PAK5: variants seen among roughly 807,000 people sequenced by gnomAD.
PAK5 encodes the protein serine/threonine-protein kinase PAK 5.
In PAK5, 16 loss-of-function variants were observed where a neutral mutation model predicts 65.9. That is an observed-to-expected ratio of 0.24 (90% confidence interval 0.16 to 0.37). PAK5 has a LOEUF of 0.37. PAK5 is among the 10% of genes least tolerant of loss of function. The probability of loss-of-function intolerance (pLI) is 1.00; values close to 1 mark genes in which losing one functional copy is unlikely to be tolerated. For synonymous variants in PAK5, 371 were observed against 354.9 expected (o/e 1.05, Z -0.51); for missense variants, 785 against 903.9 (o/e 0.87, Z 1.69).
At chr20:9,654,733 A>G (rs1357316724) in intron 2 of PAK5, among the ~76,000 whole-genome samples, 1 of 152,074 alleles carries the variant, frequency 6.6e-6, no homozygotes, top group Non-Finnish European at 1.5e-5. Context: ...CTAACTGTAT[A>G]AATTCCTTCT....
intron 1 of PAK5, among the ~76,000 whole-genome samples, chr20:9,771,863 C>T (rs968551025): frequency 6.6e-6 from 1 of 152,050 alleles, no homozygotes; most frequent in Non-Finnish European, 1.5e-5. Flanking sequence ...CATGGCAAAA[C>T]TCTATCTCCA....
intron 7 of PAK5, among the ~76,000 whole-genome samples, chr20:9,554,071 C>G (rs1190807970): frequency 7.9e-5 from 12 of 152,262 alleles, no homozygotes; most frequent in Admixed American, 7.8e-4. Flanking sequence ...TTCTCAAAGG[C>G]CAATGATGTT....
rs1170474758 is a variant in PAK5 at position 9,544,449 on chromosome 20, C to T, written c.1789G>A (p.Val597Met). The T allele has an allele frequency of 6.2e-7, 1 of 1,613,814 alleles. No individual in the cohort carries two copies. Among genetic ancestry groups the T allele is most frequent in the African/African-American group, 1.3e-5 (1 of 74,910 alleles). The change falls in exon 8 of 10, where the codon GTG (valine) becomes ATG (methionine). Residue 597 changes from valine (V) to methionine (M), a missense_variant. Transcript: ENST00000353224. ...FGFCAQVSKE[V>M]PKRKSLVGTP... ...CCAACCAATGATTTCCTCTTCGGCA[C>T]CTCTTTGGAAACTTGAGCACAGAAA... is the stretch of plus-strand genomic sequence containing the variant.
chr20:9,730,669 T>C (rs868312834), intron 1 of PAK5, among the ~76,000 whole-genome samples: 1 of 152,200 alleles, frequency 6.6e-6, no homozygotes, highest in African/African-American at 2.4e-5. Context: ...TTACATGTCA[T>C]GCTGACTCCT....
intron 7 of PAK5, among the ~76,000 whole-genome samples, chr20:9,545,639 G>T (rs1193432810): frequency 9.2e-5 from 14 of 151,936 alleles, no homozygotes; most frequent in Non-Finnish European, 2.1e-4. Context: ...TAGGGTTCTG[G>T]TTTCCTCTCT....
At chr20:9,826,864 T>C (rs917039375) in intron 1 of PAK5, among the ~76,000 whole-genome samples, 5 of 152,220 alleles carry the variant, frequency 3.3e-5, no homozygotes, top group African/African-American at 1.2e-4. Flanking sequence ...TCTGGGACAA[T>C]AGAGCAGTAG....
At chr20:9,544,660 T>C (rs546464355) in intron 7 of PAK5, among the ~76,000 whole-genome samples, 166 bp from the exon 8 acceptor site, 1 of 152,310 alleles carries the variant, frequency 6.6e-6, no homozygotes, top group Admixed American at 6.5e-5. Flanking sequence ...AAAGGCATGG[T>C]CCATTTTAAT....
chr20:9,673,019 C>T (rs958101568), intron 2 of PAK5, among the ~76,000 whole-genome samples: 3 of 152,100 alleles, frequency 2.0e-5, no homozygotes, highest in Non-Finnish European at 4.4e-5. Flanking sequence ...TTCTCTCTAC[C>T]TATTCATCTT....
chr20:9,652,764 T>C (rs915038432), intron 2 of PAK5, among the ~76,000 whole-genome samples: 6 of 152,224 alleles, frequency 3.9e-5, no homozygotes, highest in Non-Finnish European at 8.8e-5. Context: ...CTTTTGTGGA[T>C]CTGATTCTGG....
At chr20:9,735,345 T>A (rs2048376950) in intron 1 of PAK5, among the ~76,000 whole-genome samples, 1 of 152,170 alleles carries the variant, frequency 6.6e-6, no homozygotes, top group Non-Finnish European at 1.5e-5. Context: ...CAGAGATTTG[T>A]ACAATGTCTC....
intron 1 of PAK5, among the ~76,000 whole-genome samples, chr20:9,725,485 C>T (rs1375899011): frequency 2.6e-5 from 4 of 151,934 alleles, no homozygotes; most frequent in African/African-American, 9.7e-5. Flanking sequence ...ATGATTAAAT[C>T]AATAAAAATT....
At chr20:9,600,714 G>A (rs1038634981) in intron 3 of PAK5, among the ~76,000 whole-genome samples, 1 of 152,194 alleles carries the variant, frequency 6.6e-6, no homozygotes, top group African/African-American at 2.4e-5. Flanking sequence ...CAGGTTGTCA[G>A]GGGAACTGCT....
intron 2 of PAK5, among the ~76,000 whole-genome samples, chr20:9,645,462 T>C (rs561350676): frequency 6.6e-6 from 1 of 152,388 alleles, no homozygotes; most frequent in African/African-American, 2.4e-5. Context: ...AATCATCATT[T>C]TGGGAATCCT....
At chr20:9,617,566 T>A (rs2123169009) in intron 3 of PAK5, among the ~76,000 whole-genome samples, 1 of 146,556 alleles carries the variant, frequency 6.8e-6, no homozygotes, top group African/African-American at 2.5e-5. Context: ...TTTTTTTTTT[T>A]TTTTTTTGAA....
At chr20:9,828,583 G>A (rs933174870) in intron 1 of PAK5, among the ~76,000 whole-genome samples, 1 of 152,118 alleles carries the variant, frequency 6.6e-6, no homozygotes, top group African/African-American at 2.4e-5. Flanking sequence ...AAACTGTAAT[G>A]TAGCTATAAA....
intron 1 of PAK5, among the ~76,000 whole-genome samples, chr20:9,756,387 C>A (rs1344171396): frequency 1.3e-5 from 2 of 152,050 alleles, no homozygotes; most frequent in African/African-American, 4.8e-5. Flanking sequence ...GTAATTGGGA[C>A]ACATGCCCCA....
intron 2 of PAK5, among the ~76,000 whole-genome samples, chr20:9,704,680 T>G (rs2047983771): frequency 6.6e-6 from 1 of 152,136 alleles, no homozygotes; most frequent in South Asian, 2.1e-4. Context: ...GCTGAGGTTT[T>G]AATTGGAATA....
chr20:9,666,699 A>AAAAC (rs1569029272), intron 2 of PAK5, among the ~76,000 whole-genome samples: 2 of 152,138 alleles, frequency 1.3e-5, no homozygotes, highest in African/African-American at 4.8e-5. Flanking sequence ...CAAAACAAAA[A>AAAAC]AACAAATAGC....
At chr20:9,664,021 T>G (rs779648605) in intron 2 of PAK5, among the ~76,000 whole-genome samples, 4 of 152,170 alleles carry the variant, frequency 2.6e-5, no homozygotes, top group Non-Finnish European at 1.5e-5. Flanking sequence ...TAAAGTTGAT[T>G]GAAAGAAAAA....
Sources: gnomAD v4.1 joint callset for allele counts (sites outside exome capture counted in the v4.1 genomes callset) on GRCh38, gnomAD v4.1.1 for gene constraint, MANE v1.5 for transcripts, NCBI Gene and HGNC (gene_info 2026-07-23, HGNC 2026-07-21) for gene names.